Variants in SNRPE observed in about 807,000 individuals in gnomAD.
SNRPE encodes the protein small nuclear ribonucleoprotein E.
For synonymous variants in SNRPE, 35 were observed against 36.7 expected, an observed-to-expected ratio of 0.95 and a Z score of 0.17; for missense variants, 53 against 111.6, an observed-to-expected ratio of 0.48 and a Z score of 2.36.
At chr1:203,867,401 C>T (rs1690114916) in intron 4 of SNRPE, among the ~76,000 whole-genome samples, 1 of 152,006 alleles carries the variant, frequency 6.6e-6, no homozygotes, top group East Asian at 1.9e-4. Flanking sequence ...AGGCACATTA[C>T]ATTTATAGTG....
intron 2 of SNRPE, among the ~76,000 whole-genome samples, chr1:203,863,305 G>A (rs1690014851): frequency 6.6e-6 from 1 of 151,870 alleles, no homozygotes; most frequent in South Asian, 2.1e-4. Flanking sequence ...GGTGTGAATC[G>A]AGGCACCTGG....
At chr1:203,868,160 A>G (rs144419678) in intron 4 of SNRPE, among the ~76,000 whole-genome samples, 30 of 152,166 alleles carry the variant, frequency 2.0e-4, no homozygotes, top group Middle Eastern at 3.4e-3. Context: ...GGTTCAAGCA[A>G]TTCTCCTGCC....
chr1:203,867,317 G>A (rs1690113450), intron 4 of SNRPE, among the ~76,000 whole-genome samples: 1 of 151,120 alleles, frequency 6.6e-6, no homozygotes, highest in African/African-American at 2.4e-5. Flanking sequence ...CAACCATTTT[G>A]GCACCAGGGA....
rs1185262286 is a variant in SNRPE at position 203,865,336 on chromosome 1, G to A, written c.223+217G>A. ...GAGAGCTCTCACCAAGGGAACCAAA[G>A]ACTAGTGGTATTAAATCTAATGATC... On this transcript the variant is annotated intron_variant, in intron 4 of 4. Transcript: ENST00000414487. Among the ~76,000 whole-genome samples, 5 of 152,268 alleles carry A rather than the reference G, an allele frequency of 3.3e-5. No homozygotes were observed. In the East Asian group the frequency reaches 9.6e-4, roughly 29 times the overall value.
intron 3 of SNRPE, 99 bp from the exon 4 acceptor site, chr1:203,864,942 C>G (rs1212159859): frequency 9.3e-6 from 9 of 966,296 alleles, no homozygotes; most frequent in East Asian, 4.1e-5. Flanking sequence ...AAGAGTGAAT[C>G]TTTGAAGTTA....
chr1:203,863,737 G>A lies in SNRPE; in HGVS notation c.144+12G>A, dbSNP rs1289946385. 6.4e-7 allele frequency: 1 copy of A among 1,562,524 alleles called. No individual in the cohort carries two copies. ...AAGGCTGTATCATTGTGAGTATCCAGGCGATTTCATCTCATAGCAGTTCGG... is the reference window on the plus strand; with the variant it reads ...AAGGCTGTATCATTGTGAGTATCCAAGCGATTTCATCTCATAGCAGTTCGG... On this transcript the variant is annotated intron_variant, in intron 3 of 4. Transcript: ENST00000414487.
chr1:203,863,153 G>A lies in SNRPE; in HGVS notation c.82-510G>A, dbSNP rs1318367930. On this transcript the variant is annotated intron_variant, in intron 2 of 4. Transcript: ENST00000414487. Reference sequence around the variant, plus strand: ...AGGAGCCATATTTCTCTTGTCGTTTGACCAAAATGGTTAGGTTTTGTATAC... The same window carrying A: ...AGGAGCCATATTTCTCTTGTCGTTTAACCAAAATGGTTAGGTTTTGTATAC... 3.8e-5 allele frequency among the ~76,000 whole-genome samples: 5 copies of A among 130,920 alleles called. No individual in the cohort carries two copies. The Admixed American group carries it at 4.6e-4, about 12-fold the overall frequency. 85.9% of individuals were successfully genotyped at this position (130,920 alleles called of 152,430 possible).
chr1:203,868,767 T>A (rs933850194), intron 4 of SNRPE, among the ~76,000 whole-genome samples: 1 of 152,004 alleles, frequency 6.6e-6, no homozygotes, highest in Non-Finnish European at 1.5e-5. Flanking sequence ...CCTCCTGGGT[T>A]CAAGCGATTC....
chr1:203,869,620 G>A (rs1690173755), intron 4 of SNRPE, among the ~76,000 whole-genome samples: 3 of 152,130 alleles, frequency 2.0e-5, no homozygotes, highest in Admixed American at 2.0e-4. Context: ...AATGTTGTAT[G>A]AGGCCTATTG....
chr1:203,865,872 A>G (rs983483116), intron 4 of SNRPE, among the ~76,000 whole-genome samples: 8 of 152,202 alleles, frequency 5.3e-5, no homozygotes, highest in Non-Finnish European at 7.3e-5. Flanking sequence ...AAAAGTACAG[A>G]TGAAGAGATG....
At chr1:203,867,432 GTAATATA>G (rs1444241452) in intron 4 of SNRPE, among the ~76,000 whole-genome samples, 1 of 152,000 alleles carries the variant, frequency 6.6e-6, no homozygotes, top group Non-Finnish European at 1.5e-5. Context: ...TTATTACATT[GTAATATA>G]TAATGAAATA....
chr1:203,862,608 T>C (rs1477344547), intron 2 of SNRPE, among the ~76,000 whole-genome samples: 1 of 152,120 alleles, frequency 6.6e-6, no homozygotes, highest in East Asian at 1.9e-4. Flanking sequence ...ACTTAAACCA[T>C]GTCAAGAGGT....
intron 2 of SNRPE, 35 bp downstream of exon 2, chr1:203,862,257 A>C: frequency 2.0e-6 from 3 of 1,478,394 alleles, no homozygotes; most frequent in Non-Finnish European, 2.8e-6. Context: ...CTACTTTTTA[A>C]ATAAGAGGTG....
chr1:203,865,947 G>A (rs1690078761), intron 4 of SNRPE, among the ~76,000 whole-genome samples: 1 of 152,148 alleles, frequency 6.6e-6, no homozygotes, highest in Non-Finnish European at 1.5e-5. Flanking sequence ...CACCACTCTG[G>A]GAACCTCCAC....
Position 203,870,140 on chromosome 1 carries a change from C to T in SNRPE, c.*208C>T, listed in dbSNP as rs371750434. On this transcript the variant is annotated 3_prime_UTR_variant, in exon 5 of 5. Transcript: ENST00000414487. ...AAACTTTTTACACAGTAACACCATTCGTTGCTGGTATTTAGTTTTCTGAAG... is the reference window on the plus strand; with the variant it reads ...AAACTTTTTACACAGTAACACCATTTGTTGCTGGTATTTAGTTTTCTGAAG... 10 of 450,558 alleles carry T rather than the reference C, an allele frequency of 2.2e-5. No homozygotes were observed. The highest frequency in any genetic ancestry group is 1.2e-4 in the African/African-American group (6 of 49,038). 27.9% of individuals were successfully genotyped at this position (450,558 alleles called of 1,614,324 possible).
Position 203,863,688 on chromosome 1 carries a change from A to G in SNRPE, c.107A>G (p.Tyr36Cys), listed in dbSNP as rs754934559. 2.5e-6 allele frequency: 4 copies of G among 1,611,222 alleles called. No homozygotes were observed. Among genetic ancestry groups the G allele is most frequent in the Admixed American group, 1.7e-5 (1 of 60,006 alleles). Reference sequence around the variant, plus strand: ...AGATCGCGGATTCAGGTGTGGCTCTATGAGCAAGTGAATATGCGGATAGAA... The same window carrying G: ...AGATCGCGGATTCAGGTGTGGCTCTGTGAGCAAGTGAATATGCGGATAGAA... ...QNRSRIQVWL[Y>C]EQVNMRIEGC... The change falls in exon 3 of 5, where the codon TAT becomes TGT. Residue 36 changes from tyrosine to cysteine, a missense_variant. Coordinates refer to ENST00000414487, the MANE Select transcript of SNRPE (RefSeq NM_003094.4).
chr1:203,864,062 C>T (rs1282903495), intron 3 of SNRPE, among the ~76,000 whole-genome samples: 3 of 152,094 alleles, frequency 2.0e-5, no homozygotes, highest in Non-Finnish European at 4.4e-5. Context: ...TCAAGTAGTC[C>T]TCCTGCCTCA....
At chr1:203,864,935 A>G in intron 3 of SNRPE, 106 bp from the exon 4 acceptor site, 1 of 922,128 alleles carries the variant, frequency 1.1e-6, no homozygotes, top group Non-Finnish European at 1.5e-6. Context: ...GCTTGAGAAG[A>G]GTGAATCTTT....
intron 2 of SNRPE, among the ~76,000 whole-genome samples, chr1:203,862,725 G>A (rs969698948): frequency 2.2e-4 from 34 of 152,150 alleles, no homozygotes; most frequent in African/African-American, 8.2e-4. Flanking sequence ...GGAAATTTTA[G>A]CAACTTAAAT....
Sources: allele counts gnomAD v4.1 joint callset (sites outside exome capture counted in the v4.1 genomes callset), GRCh38; gene constraint gnomAD v4.1.1; transcripts MANE v1.5; gene names NCBI Gene and HGNC (gene_info 2026-07-23, HGNC 2026-07-21).